CNTNAP2: variants seen among roughly 807,000 people sequenced by gnomAD.
CNTNAP2 encodes contactin associated protein 2.
Under a neutral mutation model 155.2 loss-of-function variants are expected in CNTNAP2, and 98 were observed. That is an observed-to-expected ratio of 0.63 (90% CI 0.54 to 0.75). CNTNAP2 has a LOEUF of 0.75. Ranked by LOEUF, CNTNAP2 falls within the 30% of genes least tolerant of loss-of-function variation. The pLI is 0.00. For missense variants in CNTNAP2, 1,727 were observed against 1,688.1 expected, an observed-to-expected ratio of 1.02 and a Z score of -0.40; for synonymous variants, 651 against 631.2, an observed-to-expected ratio of 1.03 and a Z score of -0.47.
chr7:148,028,536 G>A (rs150706863), intron 15 of CNTNAP2, among the ~76,000 whole-genome samples: 33 of 152,244 alleles, frequency 2.2e-4, no homozygotes, highest in Admixed American at 5.2e-4. Context: ...TGATTGTGTC[G>A]CTGCCTTTCA....
At chr7:147,368,100 A>T (rs1168829636) in intron 9 of CNTNAP2, among the ~76,000 whole-genome samples, 6 of 65,326 alleles carry the variant, frequency 9.2e-5, no homozygotes, top group Non-Finnish European at 1.1e-4. Flanking sequence ...TCTCTGTCAC[A>T]CACACACACA....
intron 3 of CNTNAP2, among the ~76,000 whole-genome samples, chr7:146,972,560 A>G (rs73463216): frequency 0.013 from 2,013 of 152,298 alleles, 39 homozygotes; most frequent in African/African-American, 0.047. Context: ...TTTAAAATAA[A>G]CAATAATGAT....
At chr7:147,819,134 C>T (rs1798322684) in intron 13 of CNTNAP2, among the ~76,000 whole-genome samples, 1 of 152,064 alleles carries the variant, frequency 6.6e-6, no homozygotes, top group African/African-American at 2.4e-5. Context: ...TTAAAGATCA[C>T]CATAGAATTT....
chr7:146,718,424 CTG>C (rs1325895182), intron 1 of CNTNAP2, among the ~76,000 whole-genome samples: 1 of 152,032 alleles, frequency 6.6e-6, no homozygotes, highest in African/African-American at 2.4e-5. Context: ...TGGTGGGTAA[CTG>C]TGCATGGGGT....
At chr7:148,262,427 C>A (rs1051680154) in intron 20 of CNTNAP2, among the ~76,000 whole-genome samples, 1 of 152,148 alleles carries the variant, frequency 6.6e-6, no homozygotes, top group African/African-American at 2.4e-5. Context: ...TCTCACAGTT[C>A]CAGAGGCCAG....
At chr7:147,341,966 TC>T (rs1795772384) in intron 9 of CNTNAP2, among the ~76,000 whole-genome samples, 1 of 152,198 alleles carries the variant, frequency 6.6e-6, no homozygotes, top group African/African-American at 2.4e-5. Context: ...CATTTATTTC[TC>T]ACAGTTGTGG....
At chr7:147,468,810 TA>T (rs1338234237) in intron 10 of CNTNAP2, among the ~76,000 whole-genome samples, 1 of 148,070 alleles carries the variant, frequency 6.8e-6, no homozygotes, top group African/African-American at 2.5e-5. Flanking sequence ...GAAACTGCCT[TA>T]TTATTTTCTT....
At chr7:146,417,121 G>A (rs1170896922) in intron 1 of CNTNAP2, among the ~76,000 whole-genome samples, 2 of 152,066 alleles carry the variant, frequency 1.3e-5, no homozygotes, top group Non-Finnish European at 2.9e-5. Flanking sequence ...AACTATGTCT[G>A]TACATAGTTA....
At chr7:148,219,745 G>T (rs1251044093) in intron 19 of CNTNAP2, among the ~76,000 whole-genome samples, 1 of 152,096 alleles carries the variant, frequency 6.6e-6, no homozygotes, top group Non-Finnish European at 1.5e-5. Context: ...GAGGGGGGAG[G>T]ATCGCTGGAG....
chr7:146,827,480 C>T (rs1199966268), intron 2 of CNTNAP2, among the ~76,000 whole-genome samples: 2 of 150,330 alleles, frequency 1.3e-5, no homozygotes, highest in Non-Finnish European at 3.0e-5. Flanking sequence ...TTGTGATCTG[C>T]GTGGACAAGA....
chr7:148,036,945 T>G (rs1303756382), intron 15 of CNTNAP2, among the ~76,000 whole-genome samples: 4 of 152,172 alleles, frequency 2.6e-5, no homozygotes, highest in Admixed American at 6.5e-5. Context: ...TCTTATCAAA[T>G]AGCTAATTGT....
intron 4 of CNTNAP2, among the ~76,000 whole-genome samples, chr7:147,053,582 T>G (rs17313628): frequency 0.065 from 9,839 of 152,142 alleles, 420 homozygotes; most frequent in Middle Eastern, 0.12. Flanking sequence ...ACATATAAAA[T>G]CAAGAGTGTC....
intron 1 of CNTNAP2, among the ~76,000 whole-genome samples, chr7:146,246,722 CT>C (rs1799664571): frequency 6.6e-6 from 1 of 152,100 alleles, no homozygotes. Context: ...CTGGGAGTGG[CT>C]GCCAGGTGAG....
chr7:147,003,132 A>C (rs1479115814), intron 3 of CNTNAP2, among the ~76,000 whole-genome samples: 1 of 151,930 alleles, frequency 6.6e-6, no homozygotes, highest in East Asian at 1.9e-4. Flanking sequence ...GCATAAAGAG[A>C]GTGCTACATA....
At chr7:147,340,044 A>G (rs938099999) in intron 9 of CNTNAP2, among the ~76,000 whole-genome samples, 22 of 152,136 alleles carry the variant, frequency 1.4e-4, no homozygotes, top group African/African-American at 5.3e-4. Flanking sequence ...CATTGGACAC[A>G]TTCTGATTCC....
At chr7:146,457,078 A>AG (rs1796565482) in intron 1 of CNTNAP2, among the ~76,000 whole-genome samples, 1 of 152,008 alleles carries the variant, frequency 6.6e-6, no homozygotes, top group Non-Finnish European at 1.5e-5. Context: ...AGTTTTGCAG[A>AG]TTTTGATGTG....
At chr7:147,133,678 G>T (rs1423538815) in intron 8 of CNTNAP2, among the ~76,000 whole-genome samples, 1 of 151,968 alleles carries the variant, frequency 6.6e-6, no homozygotes, top group Admixed American at 6.6e-5. Context: ...AATATCCCCT[G>T]CTATAGAACA....
rs112173579 is a variant in CNTNAP2, at chr7:146,399,533, A to G, written c.97+282560A>G. ...TCTTTTTAAGTCTGAAGATTATTCC[A>G]CTGTGTATATATACCACATTTTCTC... On this transcript the variant is annotated intron_variant, in intron 1 of 23. Coordinates refer to ENST00000361727, the MANE Select transcript of CNTNAP2 (RefSeq NM_014141.6). 5.5e-3 allele frequency among the ~76,000 whole-genome samples: 836 copies of G among 152,286 alleles called. 5 individuals are homozygous for G. The highest frequency in any genetic ancestry group is 0.019 in the African/African-American group (791 of 41,556).
chr7:147,465,818 T>C (rs7803033), intron 10 of CNTNAP2, among the ~76,000 whole-genome samples: 118,892 of 152,070 alleles, frequency 0.78, 46,851 homozygotes, highest in African/African-American at 0.88. Flanking sequence ...CCTGGTGCAG[T>C]TCTTCCCTGG....
Sources: gnomAD v4.1 joint callset for allele counts (sites outside exome capture counted in the v4.1 genomes callset) on GRCh38, gnomAD v4.1.1 for gene constraint, MANE v1.5 for transcripts, NCBI Gene and HGNC (gene_info 2026-07-23, HGNC 2026-07-21) for gene names.